The following CSNK2A2IP variants were observed in gnomAD, a reference collection of about 807,000 sequenced individuals.
The protein encoded by CSNK2A2IP is casein kinase 2 subunit alpha' interacting protein.
At chr3:88,465,996 G>A in the CSNK2A2IP span, 846 of 1,231,558 alleles carry the variant, frequency 6.9e-4, 2 homozygotes, top group Non-Finnish European at 7.8e-4. Flanking sequence ...CCCTTAGCTC[G>A]ACATTGCTTC....
chr3:88,366,333 G>T, the CSNK2A2IP span, among the ~76,000 whole-genome samples: 3 of 152,098 alleles, frequency 2.0e-5, no homozygotes, highest in African/African-American at 7.2e-5. Context: ...TTGTATATGG[G>T]TATCTTGTTG....
At chr3:88,364,706 AT>A in the CSNK2A2IP span, among the ~76,000 whole-genome samples, 2 of 152,148 alleles carry the variant, frequency 1.3e-5, no homozygotes, top group Non-Finnish European at 2.9e-5. Flanking sequence ...GATTGTATTA[AT>A]TCCCTGAGTT....
the CSNK2A2IP span, among the ~76,000 whole-genome samples, chr3:88,339,677 G>A: frequency 6.6e-6 from 1 of 152,024 alleles, no homozygotes; most frequent in African/African-American, 2.4e-5. Flanking sequence ...CTTGGGACAG[G>A]AAAAGAATTC....
At chr3:88,465,672 C>T in the CSNK2A2IP span, 31 of 1,231,562 alleles carry the variant, frequency 2.5e-5, no homozygotes, top group Non-Finnish European at 2.9e-5. Context: ...CAATAGGCCT[C>T]CACTGGAGAA....
chr3:88,357,192 G>T, the CSNK2A2IP span, among the ~76,000 whole-genome samples: 2 of 152,070 alleles, frequency 1.3e-5, no homozygotes, highest in Non-Finnish European at 1.5e-5. Flanking sequence ...TCAGCTGAAT[G>T]TGCTGGAATG....
chr3:88,402,258 A>G, the CSNK2A2IP span, among the ~76,000 whole-genome samples: 1 of 152,064 alleles, frequency 6.6e-6, no homozygotes, highest in African/African-American at 2.4e-5. Context: ...ACATTTAGAA[A>G]ATTCTGGCAG....
the CSNK2A2IP span, among the ~76,000 whole-genome samples, chr3:88,425,582 C>A: frequency 6.6e-6 from 1 of 151,960 alleles, no homozygotes; most frequent in Admixed American, 6.6e-5. Context: ...AATATCTTTG[C>A]TCTGCAATAA....
At chr3:88,460,827 C>G in the CSNK2A2IP span, among the ~76,000 whole-genome samples, 2 of 152,152 alleles carry the variant, frequency 1.3e-5, no homozygotes, top group Non-Finnish European at 2.9e-5. Context: ...ATGGCTCACA[C>G]CTGTAGTCCC....
At chr3:88,377,331 T>A in the CSNK2A2IP span, among the ~76,000 whole-genome samples, 1 of 151,832 alleles carries the variant, frequency 6.6e-6, no homozygotes, top group African/African-American at 2.4e-5. Context: ...TTTTCTTTTA[T>A]CTCTATCTTT....
the CSNK2A2IP span, among the ~76,000 whole-genome samples, chr3:88,434,420 A>G: frequency 6.6e-6 from 1 of 152,166 alleles, no homozygotes; most frequent in Non-Finnish European, 1.5e-5. Flanking sequence ...CATCTGAGCT[A>G]ACTTTGTGTC....
the CSNK2A2IP span, among the ~76,000 whole-genome samples, chr3:88,411,254 A>G: frequency 6.6e-6 from 1 of 151,912 alleles, no homozygotes; most frequent in African/African-American, 2.4e-5. Context: ...TTTTGAAGCA[A>G]TGGAGGCCAT....
At chr3:88,377,609 T>C in the CSNK2A2IP span, among the ~76,000 whole-genome samples, 174 of 151,966 alleles carry the variant, frequency 1.1e-3, 1 homozygote, top group Middle Eastern at 6.8e-3. Flanking sequence ...GTAATAATAG[T>C]GAAAAATTAT....
the CSNK2A2IP span, among the ~76,000 whole-genome samples, chr3:88,378,598 G>T: frequency 6.6e-6 from 1 of 151,960 alleles, no homozygotes; most frequent in Admixed American, 6.6e-5. Context: ...AAATAGACAC[G>T]TATGGCTAAT....
the CSNK2A2IP span, among the ~76,000 whole-genome samples, chr3:88,416,820 A>G: frequency 6.6e-6 from 1 of 152,144 alleles, no homozygotes; most frequent in Non-Finnish European, 1.5e-5. Context: ...AAATAAAAGC[A>G]CCTTTATGTC....
the CSNK2A2IP span, among the ~76,000 whole-genome samples, chr3:88,364,506 G>C: frequency 6.6e-6 from 1 of 151,904 alleles, no homozygotes; most frequent in Non-Finnish European, 1.5e-5. Flanking sequence ...GATAATGTAA[G>C]TAATAATAAA....
chr3:88,420,501 G>A, the CSNK2A2IP span, among the ~76,000 whole-genome samples: 2 of 151,866 alleles, frequency 1.3e-5, no homozygotes, highest in Admixed American at 6.6e-5. Flanking sequence ...AATCTTATGT[G>A]TTTTCTGATT....
chr3:88,376,104 G>A, the CSNK2A2IP span, among the ~76,000 whole-genome samples: 1 of 151,690 alleles, frequency 6.6e-6, no homozygotes, highest in Non-Finnish European at 1.5e-5. Context: ...TTTCTCCAAA[G>A]CCATTTCATT....
At chr3:88,445,779 C>A in the CSNK2A2IP span, among the ~76,000 whole-genome samples, 2 of 152,050 alleles carry the variant, frequency 1.3e-5, no homozygotes, top group Admixed American at 6.5e-5. Context: ...TCTTGAACTC[C>A]CAGTCTCAAA....
At chr3:88,392,558 A>G in the CSNK2A2IP span, among the ~76,000 whole-genome samples, 1 of 152,238 alleles carries the variant, frequency 6.6e-6, no homozygotes, top group African/African-American at 2.4e-5. Context: ...AGAGAGTTCC[A>G]AAAAGGAGGA....
Sources: allele counts gnomAD v4.1 joint callset (sites outside exome capture counted in the v4.1 genomes callset), GRCh38; gene constraint gnomAD v4.1.1; transcripts MANE v1.5; gene names NCBI Gene and HGNC (gene_info 2026-07-23, HGNC 2026-07-21).